SLC17A3: variants seen among roughly 807,000 people sequenced by gnomAD.
SLC17A3 encodes the protein solute carrier family 17 member 3.
Under a neutral mutation model 60.3 loss-of-function variants are expected in SLC17A3, and 61 were observed. That is an observed-to-expected ratio of 1.01 (90% CI 0.82 to 1.25). SLC17A3 has a LOEUF of 1.25. Ranked by LOEUF, SLC17A3 falls within the 50% of genes most tolerant of loss-of-function variation. SLC17A3 has a pLI of 0.00. For synonymous variants in SLC17A3, 192 were observed against 208.9 expected, an observed-to-expected ratio of 0.92 and a Z score of 0.70; for missense variants, 624 against 594.9, an observed-to-expected ratio of 1.05 and a Z score of -0.51.
At chr6:25,872,020 A>T (rs1765650878) in intron 1 of SLC17A3, among the ~76,000 whole-genome samples, 1 of 152,082 alleles carries the variant, frequency 6.6e-6, no homozygotes, top group South Asian at 2.1e-4. Flanking sequence ...CTTGGGGCCA[A>T]AAGAGCTCAT....
At chr6:25,858,231 T>G (rs1220936177) in intron 5 of SLC17A3, among the ~76,000 whole-genome samples, 1 of 152,142 alleles carries the variant, frequency 6.6e-6, no homozygotes, top group African/African-American at 2.4e-5. Flanking sequence ...TCCATGCACT[T>G]TGACATTTCT....
intron 5 of SLC17A3, among the ~76,000 whole-genome samples, chr6:25,857,003 T>C (rs1192668331): frequency 6.6e-6 from 1 of 151,780 alleles, no homozygotes; most frequent in Non-Finnish European, 1.5e-5. Context: ...GGGCAATGAG[T>C]AATATCCTGT....
At chr6:25,856,714 A>G (rs1273238914) in intron 5 of SLC17A3, among the ~76,000 whole-genome samples, 1 of 151,938 alleles carries the variant, frequency 6.6e-6, no homozygotes, top group African/African-American at 2.4e-5. Context: ...GGGCGTTCTC[A>G]GGGGCACCTG....
Position 25,874,186 on chromosome 6 carries a change from G to A in SLC17A3, c.-53C>T, listed in dbSNP as rs182988353. ...ACTTACCGACTTAATGTCTGTGGAA[G>A]GGCTTCAAGTTGAACCCAGCGTTTC... is the stretch of plus-strand genomic sequence containing the variant. On this transcript the variant is annotated 5_prime_UTR_variant, in exon 1 of 13. Coordinates refer to ENST00000397060, the MANE Select transcript of SLC17A3 (RefSeq NM_001098486.2). 1.3e-5 allele frequency: 2 copies of A among 152,244 alleles called. No homozygotes were observed. The highest frequency in any genetic ancestry group is 2.9e-5 in the Non-Finnish European group (2 of 67,994). 9.4% of individuals were successfully genotyped at this position (152,244 alleles called of 1,614,324 possible). A position where few individuals can be genotyped will look rare whatever the true frequency, so the allele number is the denominator to read the frequency against.
intron 2 of SLC17A3, among the ~76,000 whole-genome samples, chr6:25,866,040 G>T (rs761213463): frequency 2.6e-5 from 4 of 151,964 alleles, no homozygotes; most frequent in Non-Finnish European, 5.9e-5. Context: ...TGGCCCCAGT[G>T]ATTACCACCT....
intron 1 of SLC17A3, among the ~76,000 whole-genome samples, chr6:25,870,733 T>C (rs1158938042): frequency 1.3e-5 from 2 of 152,046 alleles, no homozygotes; most frequent in Non-Finnish European, 2.9e-5. Flanking sequence ...CATGGACTCA[T>C]GACTGCCTGA....
In SLC17A3 at chr6:25,862,000, G is replaced by A; in HGVS notation, c.333C>T (p.Ile111=). ...CAACAGCACCAAAGATGATGCCTTG[G>A]ATTTGAGGAGACCAGTCATACACAG... ...KAPVYDWSPQ[I]QGIIFGAVGY... Residue 111 remains isoleucine (I), a synonymous_variant, in exon 4 of 13, where the codon ATC becomes ATT. Coordinates refer to ENST00000397060, the MANE Select transcript of SLC17A3 (RefSeq NM_001098486.2). 2 of 1,608,910 alleles carry A rather than the reference G, an allele frequency of 1.2e-6. No homozygotes were observed. The highest frequency in any genetic ancestry group is 1.7e-6 in the Non-Finnish European group (2 of 1,177,668).
At chr6:25,845,590 A>T in intron 11 of SLC17A3, 74 bp from the exon 12 acceptor site, 1 of 1,539,146 alleles carries the variant, frequency 6.5e-7, no homozygotes, top group Non-Finnish European at 9.0e-7. Context: ...AATAGTTCAG[A>T]TGACAACATT....
rs573424507 is a variant in SLC17A3, at chr6:25,873,077, A to C, written c.-34+1090T>G. ...GATTCAAGCTCTGCTGACCCTTCCC[A>C]CACCCTGGGGCTATAACTAGAGGAA... On this transcript the variant is annotated intron_variant, in intron 1 of 12. Coordinates refer to ENST00000397060, the MANE Select transcript of SLC17A3 (RefSeq NM_001098486.2). Among the ~76,000 whole-genome samples, 3 of 152,108 alleles carry C rather than the reference A, an allele frequency of 2.0e-5. No homozygotes were observed. The South Asian group carries it at 6.2e-4, about 32-fold the overall frequency.
chr6:25,856,214 G>GT, intron 5 of SLC17A3, among the ~76,000 whole-genome samples: 1 of 151,966 alleles, frequency 6.6e-6, no homozygotes, highest in Admixed American at 6.6e-5. Flanking sequence ...ATCCTCAAAG[G>GT]TTTTTTCTTG....
intron 2 of SLC17A3, among the ~76,000 whole-genome samples, chr6:25,867,661 C>A (rs1196823130): frequency 1.3e-5 from 2 of 151,736 alleles, no homozygotes; most frequent in Non-Finnish European, 2.9e-5. Context: ...AATATCCAGT[C>A]ACAAGAAGAT....
chr6:25,849,315 C>T, intron 11 of SLC17A3, 59 bp downstream of exon 11: 2 of 971,658 alleles, frequency 2.1e-6, no homozygotes, highest in South Asian at 2.6e-5. Flanking sequence ...CATGCTATCA[C>T]CTTTATAAGT....
rs1440213880 is a variant in SLC17A3 at position 25,861,835 on chromosome 6, G to A, written c.498C>T (p.Val166=). 2 of 1,613,654 alleles carry A rather than the reference G, an allele frequency of 1.2e-6. No individual in the cohort carries two copies. Among genetic ancestry groups the A allele is most frequent in the Non-Finnish European group, 8.5e-7 (1 of 1,179,702 alleles). ...CIPLATDFGI[V]LLIVTRIVQG... is the part of the protein sequence containing the mutation. ...GGACTATTCGAGTTACAATGAGCAA[G>A]ACTATTCCAAAGTCAGTGGCCAGAG... Residue 166 remains valine (V), a synonymous_variant, in exon 4 of 13, where the codon GTC becomes GTT. Coordinates refer to ENST00000397060, the MANE Select transcript of SLC17A3 (RefSeq NM_001098486.2).
chr6:25,847,115 C>T (rs1438971262), intron 11 of SLC17A3, among the ~76,000 whole-genome samples: 1 of 151,978 alleles, frequency 6.6e-6, no homozygotes, highest in Non-Finnish European at 1.5e-5. Context: ...CTGTTGTTCC[C>T]CTCCTTGTGT....
chr6:25,868,952 C>G (rs571945948), intron 1 of SLC17A3, among the ~76,000 whole-genome samples: 60 of 151,932 alleles, frequency 3.9e-4, no homozygotes, highest in Non-Finnish European at 5.6e-4. Context: ...GAGAACCTGG[C>G]TTCTACTACC....
At position 25,861,971 on chromosome 6, in the gene SLC17A3, T is replaced by C. The variant is rs750810898; in HGVS notation, c.362A>G (p.Tyr121Cys). 3.4e-5 allele frequency: 55 copies of C among 1,612,214 alleles called. No individual in the cohort carries two copies. Among genetic ancestry groups the C allele is most frequent in the Admixed American group, 1.7e-5 (1 of 59,692 alleles). The change falls in exon 4 of 13, where the codon TAT becomes TGT. Residue 121 changes from tyrosine to cysteine, a missense_variant. Physicochemically the swap from Tyr to Cys is radical, Grantham distance 194. Transcript: ENST00000397060. ...IQGIIFGAVG[Y>C]GGILTMAPSG... Reference sequence around the variant, plus strand: ...GGGAGCCATTGTCAGTATGCCACCATAGCCAACAGCACCAAAGATGATGCC... The same window carrying C: ...GGGAGCCATTGTCAGTATGCCACCACAGCCAACAGCACCAAAGATGATGCC...
At chr6:25,857,016 C>A (rs1420797923) in intron 5 of SLC17A3, among the ~76,000 whole-genome samples, 2 of 151,734 alleles carry the variant, frequency 1.3e-5, no homozygotes, top group Non-Finnish European at 2.9e-5. Context: ...TATCCTGTGT[C>A]TACAAAAAAC....
chr6:25,866,945 GACACCATTGAT>G (rs1765546224), intron 2 of SLC17A3, among the ~76,000 whole-genome samples: 1 of 151,920 alleles, frequency 6.6e-6, no homozygotes, highest in African/African-American at 2.4e-5. Flanking sequence ...TCAAACTGAA[GACACCATTGAT>G]ACATCGTAAT....
chr6:25,857,617 G>A (rs1765380010), intron 5 of SLC17A3, among the ~76,000 whole-genome samples: 1 of 151,360 alleles, frequency 6.6e-6, no homozygotes, highest in African/African-American at 2.4e-5. Flanking sequence ...TTAAGCCCTA[G>A]TAGTCAGATT....
Sources: gnomAD v4.1 joint callset for allele counts (sites outside exome capture counted in the v4.1 genomes callset) on GRCh38, gnomAD v4.1.1 for gene constraint, MANE v1.5 for transcripts, NCBI Gene and HGNC (gene_info 2026-07-23, HGNC 2026-07-21) for gene names.